The following MBOAT2 variants were observed in gnomAD, a reference collection of about 807,000 sequenced individuals.
The protein encoded by MBOAT2 is membrane-bound glycerophospholipid O-acyltransferase 2.
A neutral mutation model predicts 63.4 loss-of-function variants in MBOAT2; 28 were observed. That is an observed-to-expected ratio of 0.44 (90% CI 0.33 to 0.61). The LOEUF is 0.61. MBOAT2 is among the 20% of genes least tolerant of loss of function. The pLI is 0.03. For missense variants in MBOAT2, 470 were observed against 605.8 expected (o/e 0.78, Z 2.35); for synonymous variants, 211 against 215.6 (o/e 0.98, Z 0.19).
chr2:8,884,587 A>G (rs1434112310), intron 5 of MBOAT2, among the ~76,000 whole-genome samples: 1 of 152,018 alleles, frequency 6.6e-6, no homozygotes, highest in Non-Finnish European at 1.5e-5. Context: ...GGCAAGTGAC[A>G]TGTTAATAGC....
intron 3 of MBOAT2, among the ~76,000 whole-genome samples, chr2:8,925,231 C>G (rs1464232403): frequency 6.6e-6 from 1 of 152,092 alleles, no homozygotes; most frequent in Non-Finnish European, 1.5e-5. Flanking sequence ...TCCTCAGGGG[C>G]CATATTTTAA....
intron 2 of MBOAT2, among the ~76,000 whole-genome samples, chr2:8,952,151 T>C (rs1189111714): frequency 6.6e-6 from 1 of 152,256 alleles, no homozygotes; most frequent in Non-Finnish European, 1.5e-5. Flanking sequence ...AGAATTTTTA[T>C]GCTTCTGCTT....
rs116329235 is a variant in MBOAT2, at chr2:8,983,363, A to G, written c.75+20177T>C. On this transcript the variant is annotated intron_variant, in intron 1 of 12. Transcript: ENST00000305997. ...CTATAACTCACCCAATATGAAACAG[A>G]TAATTTAAACAGCCCTGTAACTGTT... 6.8e-3 allele frequency among the ~76,000 whole-genome samples: 1,037 copies of G among 152,308 alleles called. 18 individuals carry two copies. Among genetic ancestry groups the G allele is most frequent in the African/African-American group, 0.024 (994 of 41,564 alleles).
chr2:8,895,064 C>T (rs768957176), intron 4 of MBOAT2, among the ~76,000 whole-genome samples: 11 of 152,226 alleles, frequency 7.2e-5, no homozygotes, highest in Admixed American at 2.0e-4. Context: ...CTCATAAAGG[C>T]GGTGGGGACC....
chr2:8,858,029 C>A lies in MBOAT2; in HGVS notation c.*650G>T, dbSNP rs1190759829. The A allele has an allele frequency of 6.6e-6, 1 of 152,642 alleles. No individual in the cohort carries two copies. The highest frequency in any genetic ancestry group is 1.5e-5 in the Non-Finnish European group (1 of 68,042). 9.5% of individuals were successfully genotyped at this position (152,642 alleles called of 1,614,324 possible). ...TGACTGCACAAGGTAATTAAACTCT[C>A]CAGCAAAATCAGCTACCTATAATTT... On this transcript the variant is annotated 3_prime_UTR_variant, in exon 13 of 13. Coordinates refer to ENST00000305997, the MANE Select transcript of MBOAT2 (RefSeq NM_138799.4).
intron 7 of MBOAT2, among the ~76,000 whole-genome samples, chr2:8,876,044 A>ACAC (rs1662675805): frequency 6.6e-6 from 1 of 152,162 alleles, no homozygotes; most frequent in Non-Finnish European, 1.5e-5. Context: ...CACAGAAAAC[A>ACAC]CACCAGCCCC....
chr2:8,875,886 T>C (rs1189542309), intron 7 of MBOAT2, among the ~76,000 whole-genome samples: 3 of 152,214 alleles, frequency 2.0e-5, no homozygotes, highest in Non-Finnish European at 4.4e-5. Context: ...TGGTATAAAA[T>C]ACAATGAGCG....
At chr2:8,863,937 G>C (rs542988563) in intron 10 of MBOAT2, among the ~76,000 whole-genome samples, 22 of 152,326 alleles carry the variant, frequency 1.4e-4, no homozygotes, top group Admixed American at 1.1e-3. Context: ...AAGGAGGCTT[G>C]AGAGGGCAGG....
At chr2:8,971,727 A>G (rs2103311569) in intron 1 of MBOAT2, among the ~76,000 whole-genome samples, 1 of 152,276 alleles carries the variant, frequency 6.6e-6, no homozygotes, top group Non-Finnish European at 1.5e-5. Context: ...CCAATAACAG[A>G]CAAACAGAGA....
Position 8,862,533 on chromosome 2 carries a change from C to T in MBOAT2, c.1185+57G>A, listed in dbSNP as rs185670260. 12 of 1,564,086 alleles carry T rather than the reference C, an allele frequency of 7.7e-6. No homozygotes were observed. The highest frequency in any genetic ancestry group is 2.7e-5 in the African/African-American group (2 of 73,374). On this transcript the variant is annotated intron_variant, in intron 11 of 12. Coordinates refer to ENST00000305997, the MANE Select transcript of MBOAT2 (RefSeq NM_138799.4). This position sits in a 1 kb window ranked among gnomAD's most constrained non-coding sequence, Gnocchi z 4.3. ...TACCTTGTAAGAGAGATGTACTCAGCCTTTTTAACAGTTCAAGTGGACCAT... is the reference window on the plus strand; with the variant it reads ...TACCTTGTAAGAGAGATGTACTCAGTCTTTTTAACAGTTCAAGTGGACCAT...
intron 3 of MBOAT2, among the ~76,000 whole-genome samples, chr2:8,930,844 C>T (rs893665136): frequency 5.9e-5 from 9 of 152,050 alleles, no homozygotes; most frequent in African/African-American, 1.9e-4. Context: ...TGCACATGTA[C>T]CCTAAAACTT....
rs1487573549 is a variant in MBOAT2, at chr2:8,854,618, TTAAC to T, written c.*4057_*4060del. 3 of 152,192 alleles carry T rather than the reference TTAAC, an allele frequency of 2.0e-5. No individual in the cohort carries two copies. The highest frequency in any genetic ancestry group is 2.4e-5 in the African/African-American group (1 of 41,440). The allele number at this position is 152,192 out of a possible 1,614,324, so 9.4% of individuals were successfully genotyped here. A position where few individuals can be genotyped will look rare whatever the true frequency, so the allele number is the denominator to read the frequency against. ...TATAATGTAGAACTGTTAAGACCAA[TTAAC>T]TAATAATTGTGAACAGTTGATAAGG... On this transcript the variant is annotated 3_prime_UTR_variant, in exon 13 of 13. Coordinates refer to ENST00000305997, the MANE Select transcript of MBOAT2 (RefSeq NM_138799.4).
chr2:8,999,763 CA>C (rs1228925556), intron 1 of MBOAT2, among the ~76,000 whole-genome samples: 1 of 152,190 alleles, frequency 6.6e-6, no homozygotes, highest in African/African-American at 2.4e-5. Context: ...ATCTGGAAAA[CA>C]AGGCCTAGAA....
rs1661083186 is a variant in MBOAT2 at position 8,856,321 on chromosome 2, AC to A, written c.*2357del. 6.6e-6 allele frequency: 1 copy of A among 151,766 alleles called. No homozygotes were observed. Among genetic ancestry groups the A allele is most frequent in the Admixed American group, 6.6e-5 (1 of 15,242 alleles). 9.4% of individuals were successfully genotyped at this position (151,766 alleles called of 1,614,324 possible). A position where few individuals can be genotyped will look rare whatever the true frequency, so the allele number is the denominator to read the frequency against. On this transcript the variant is annotated 3_prime_UTR_variant, in exon 13 of 13. Coordinates refer to ENST00000305997, the MANE Select transcript of MBOAT2 (RefSeq NM_138799.4). The surrounding 1 kb of genome is among the most constrained non-coding windows in gnomAD (Gnocchi z 4.2). The stretch of plus-strand genomic sequence containing the variant: ...GGCTGAACCAAAAAAAAACACACAC[AC>A]ACACACACACACACACACGAACAAA...
intron 5 of MBOAT2, among the ~76,000 whole-genome samples, chr2:8,886,150 T>C (rs1475948570): frequency 6.6e-6 from 1 of 152,208 alleles, no homozygotes. Flanking sequence ...AAACTTTGGG[T>C]GCTGAGCGTC....
rs1226002863 is a variant in MBOAT2, at chr2:8,853,361, C to G, written c.*5318G>C. On this transcript the variant is annotated 3_prime_UTR_variant, in exon 13 of 13. Transcript: ENST00000305997. ...CATTGATAAATCTGTGTGCGCAGAA[C>G]CAAAAATACATAAAATTGGGAAAGA... The G allele has an allele frequency of 1.1e-4, 17 of 152,120 alleles. No homozygotes were observed. The highest frequency in any genetic ancestry group is 1.1e-3 in the Admixed American group (17 of 15,282). 9.4% of individuals were successfully genotyped at this position (152,120 alleles called of 1,614,324 possible). A position where few individuals can be genotyped will look rare whatever the true frequency, so the allele number is the denominator to read the frequency against.
rs1167563502 is a variant in MBOAT2, at chr2:8,853,771, A to G, written c.*4908T>C. 4 of 152,178 alleles carry G rather than the reference A, an allele frequency of 2.6e-5. No homozygotes were observed. The highest frequency in any genetic ancestry group is 7.2e-5 in the African/African-American group (3 of 41,432). The allele number at this position is 152,178 out of a possible 1,614,324, so 9.4% of individuals were successfully genotyped here. A position where few individuals can be genotyped will look rare whatever the true frequency, so the allele number is the denominator to read the frequency against. On this transcript the variant is annotated 3_prime_UTR_variant, in exon 13 of 13. Coordinates refer to ENST00000305997, the MANE Select transcript of MBOAT2 (RefSeq NM_138799.4). The stretch of plus-strand genomic sequence containing the variant: ...AGTCTTAGTGTTGTATTTTTTCTTT[A>G]TAAAAGTTGTACTTAAAGAAGAGTT...
At chr2:8,992,827 C>A (rs1672011289) in intron 1 of MBOAT2, among the ~76,000 whole-genome samples, 1 of 152,218 alleles carries the variant, frequency 6.6e-6, no homozygotes, top group Non-Finnish European at 1.5e-5. Flanking sequence ...TGGCAGCTGG[C>A]TGGTCGCCTG....
In MBOAT2 at chr2:8,858,617, A is replaced by T. The variant is rs1661271471; in HGVS notation, c.*62T>A. 4.0e-6 allele frequency: 5 copies of T among 1,250,306 alleles called. No individual in the cohort carries two copies. Among genetic ancestry groups the T allele is most frequent in the Non-Finnish European group, 5.6e-6 (5 of 890,080 alleles). 77.5% of individuals were successfully genotyped at this position (1,250,306 alleles called of 1,614,324 possible). On this transcript the variant is annotated 3_prime_UTR_variant, in exon 13 of 13. Transcript: ENST00000305997. Reference sequence around the variant, plus strand: ...TCCAACAAACTCAAACCCCTTGAAAAGGTGCTAAGATTGGTTTCTGTTAAC... The same window carrying T: ...TCCAACAAACTCAAACCCCTTGAAATGGTGCTAAGATTGGTTTCTGTTAAC...
Sources: gnomAD v4.1 joint callset for allele counts (sites outside exome capture counted in the v4.1 genomes callset) on GRCh38, gnomAD v4.1.1 for gene constraint, Gnocchi (gnomAD v3.1) non-coding constraint, MANE v1.5 for transcripts, NCBI Gene and HGNC (gene_info 2026-07-23, HGNC 2026-07-21) for gene names.